Variants in TMEM266 observed in about 807,000 individuals in gnomAD.
TMEM266 encodes transmembrane protein 266.
In TMEM266, 33 loss-of-function variants were observed where a neutral mutation model predicts 50.5. That is an observed-to-expected ratio of 0.65 (90% confidence interval 0.50 to 0.87). The LOEUF is 0.87. Among genes scored for constraint, TMEM266 ranks in the 40% least tolerant of loss-of-function variants. TMEM266 has a pLI of 0.00. For missense variants in TMEM266, 655 were observed against 695.1 expected (o/e 0.94, Z 0.65); for synonymous variants, 310 against 292.3 (o/e 1.06, Z -0.62).
chr15:76,083,386 G>T (rs975471233), intron 1 of TMEM266, among the ~76,000 whole-genome samples: 2 of 152,050 alleles, frequency 1.3e-5, no homozygotes, highest in African/African-American at 2.4e-5. Flanking sequence ...ATTCTTAGCA[G>T]CTTCTAGTCT....
At position 76,203,676 on chromosome 15, in the gene TMEM266, T is replaced by G. The variant is rs971607651; in HGVS notation, c.1022-65T>G. 2.7e-6 allele frequency: 4 copies of G among 1,493,648 alleles called. No homozygotes were observed. The East Asian group carries it at 6.8e-5, about 25-fold the overall frequency. 92.5% of individuals were successfully genotyped at this position (1,493,648 alleles called of 1,614,324 possible). A position where few individuals can be genotyped will look rare whatever the true frequency, so the allele number is the denominator to read the frequency against. On this transcript the variant is annotated intron_variant, in intron 10 of 10. Coordinates refer to ENST00000388942, the MANE Select transcript of TMEM266 (RefSeq NM_152335.3). ...TGCCCACCGCCCGGCTCAGACCTGC[T>G]CTCTTCAGGGCCCCCAGGTGTGGCA...
intron 8 of TMEM266, among the ~76,000 whole-genome samples, chr15:76,189,254 AAGTAAGGAAGGGAGGAAGGG>A (rs2038531967): frequency 1.4e-5 from 2 of 144,780 alleles, no homozygotes; most frequent in Admixed American, 1.4e-4. Flanking sequence ...GGAAGGAGGG[AAGTAAGGAAGGGAGGAAGGG>A]AGGAAGGAAG....
intron 3 of TMEM266, among the ~76,000 whole-genome samples, chr15:76,155,624 G>A (rs981349206): frequency 2.6e-5 from 4 of 152,140 alleles, no homozygotes; most frequent in Non-Finnish European, 5.9e-5. Flanking sequence ...CCATGATGAT[G>A]CATAAGAGCA....
rs377380487 is a variant in TMEM266, at chr15:76,185,869, C to T, written c.769-6099C>T. Among the ~76,000 whole-genome samples, 7 of 152,222 alleles carry T rather than the reference C, an allele frequency of 4.6e-5. No individual in the cohort carries two copies. In the East Asian group the frequency reaches 7.7e-4, roughly 17 times the overall value. On this transcript the variant is annotated intron_variant, in intron 8 of 10. Transcript: ENST00000388942. ...GGGGTCCTGGAGCTGGTACAGAGCT[C>T]GTCATTGACTTGGAATTCAGTGAGT...
chr15:76,113,695 G>T (rs1249374617), intron 1 of TMEM266: 1 of 152,140 alleles, frequency 6.6e-6, no homozygotes, highest in Admixed American at 6.5e-5. Context: ...AGATCACAAG[G>T]TCAGGAGATC....
At chr15:76,061,865 T>C (rs2036309873) in intron 1 of TMEM266, among the ~76,000 whole-genome samples, 1 of 152,198 alleles carries the variant, frequency 6.6e-6, no homozygotes, top group Admixed American at 6.5e-5. Flanking sequence ...CTGCCAGTCA[T>C]CAGAGCAACA....
intron 3 of TMEM266, among the ~76,000 whole-genome samples, chr15:76,142,665 A>G (rs917479481): frequency 2.0e-5 from 3 of 152,164 alleles, no homozygotes; most frequent in Admixed American, 2.0e-4. Context: ...TAAGTCCAGG[A>G]AAGTCCTGCG....
intron 1 of TMEM266, among the ~76,000 whole-genome samples, chr15:76,070,643 C>T (rs979676743): frequency 1.3e-5 from 2 of 152,220 alleles, no homozygotes; most frequent in Non-Finnish European, 2.9e-5. Context: ...ACTGCCATAC[C>T]TCTGGAACTT....
At chr15:76,162,666 A>C (rs2038036432) in intron 5 of TMEM266, among the ~76,000 whole-genome samples, 1 of 152,192 alleles carries the variant, frequency 6.6e-6, no homozygotes, top group Non-Finnish European at 1.5e-5. Context: ...CTGGGCACCT[A>C]AGCTGGTCTC....
At chr15:76,085,251 G>T (rs112063545) in intron 1 of TMEM266, among the ~76,000 whole-genome samples, 2 of 148,486 alleles carry the variant, frequency 1.3e-5, no homozygotes, top group African/African-American at 5.0e-5. Context: ...GAGCCACCGC[G>T]CCCAGCCTTT....
chr15:76,099,953 C>T (rs1442586689), intron 1 of TMEM266, among the ~76,000 whole-genome samples: 1 of 152,000 alleles, frequency 6.6e-6, no homozygotes, highest in African/African-American at 2.4e-5. Context: ...AAAGAAAGTG[C>T]CACACAAATT....
intron 1 of TMEM266, among the ~76,000 whole-genome samples, chr15:76,070,212 A>G (rs192421130): frequency 1.9e-4 from 29 of 152,304 alleles, no homozygotes; most frequent in African/African-American, 7.0e-4. Flanking sequence ...CATTCTGTTC[A>G]TAGTCATGGA....
chr15:76,126,571 G>A (rs185518083), intron 1 of TMEM266, among the ~76,000 whole-genome samples: 101 of 149,230 alleles, frequency 6.8e-4, no homozygotes, highest in African/African-American at 2.2e-3. Context: ...TCACTCTGTC[G>A]CCCAGGCTGG....
At chr15:76,154,121 G>T (rs1052829019) in intron 3 of TMEM266, among the ~76,000 whole-genome samples, 8 of 152,194 alleles carry the variant, frequency 5.3e-5, no homozygotes, top group African/African-American at 1.9e-4. Context: ...CTTGGCTCTT[G>T]AGTTTAGGGC....
intron 1 of TMEM266, among the ~76,000 whole-genome samples, chr15:76,091,952 C>T (rs1200294588): frequency 6.6e-6 from 1 of 151,902 alleles, no homozygotes; most frequent in Non-Finnish European, 1.5e-5. Context: ...GATTATGCCA[C>T]TGCACTACAG....
chr15:76,074,366 C>T (rs2036576382), intron 1 of TMEM266, among the ~76,000 whole-genome samples: 2 of 152,020 alleles, frequency 1.3e-5, no homozygotes, highest in Non-Finnish European at 2.9e-5. Flanking sequence ...TCGTCACCAC[C>T]ATCCACGTCT....
intron 1 of TMEM266, among the ~76,000 whole-genome samples, chr15:76,117,507 CTTA>C (rs969694629): frequency 1.4e-4 from 22 of 152,166 alleles, no homozygotes; most frequent in African/African-American, 5.1e-4. Flanking sequence ...GCCTGGGTTG[CTTA>C]TTAAGAGAGA....
chr15:76,192,544 G>T (rs2038595464), intron 9 of TMEM266, among the ~76,000 whole-genome samples: 1 of 152,164 alleles, frequency 6.6e-6, no homozygotes, highest in Non-Finnish European at 1.5e-5. Context: ...AAGTGGCAGA[G>T]CCAGGCTTCC....
intron 9 of TMEM266, among the ~76,000 whole-genome samples, chr15:76,198,136 A>G (rs147662636): frequency 5.9e-5 from 9 of 152,240 alleles, no homozygotes; most frequent in African/African-American, 2.2e-4. Context: ...GTTCACCAGC[A>G]GAGTAGGCAT....
Sources: gnomAD v4.1 joint callset for allele counts (sites outside exome capture counted in the v4.1 genomes callset) on GRCh38, gnomAD v4.1.1 for gene constraint, MANE v1.5 for transcripts, NCBI Gene and HGNC (gene_info 2026-07-23, HGNC 2026-07-21) for gene names.